The following IL23R variants were observed in gnomAD, a reference collection of about 807,000 sequenced individuals.
The protein encoded by IL23R is interleukin 23 receptor, also known as interleukin-23 receptor.
A neutral mutation model predicts 56.9 loss-of-function variants in IL23R; 34 were observed. That is an observed-to-expected ratio of 0.60 (90% confidence interval 0.45 to 0.80). The LOEUF is 0.80. Among genes scored for constraint, IL23R ranks in the 30% least tolerant of loss-of-function variants. IL23R has a pLI of 0.00. For synonymous variants in IL23R, 230 were observed against 249.2 expected, an observed-to-expected ratio of 0.92 and a Z score of 0.73; for missense variants, 635 against 730.0, an observed-to-expected ratio of 0.87 and a Z score of 1.50.
chr1:67,155,444 G>A (rs1022429811), intron 1 of IL23R, among the ~76,000 whole-genome samples: 4 of 152,012 alleles, frequency 2.6e-5, no homozygotes, highest in African/African-American at 4.8e-5. Context: ...TCATAGGTTC[G>A]GTCTTCTTAC....
chr1:67,162,441 C>A (rs949925832), upstream of IL23R, among the ~76,000 whole-genome samples: 1 of 151,942 alleles, frequency 6.6e-6, no homozygotes, highest in African/African-American at 2.4e-5. Flanking sequence ...GAGCCGAGAT[C>A]GCGCCACTGC....
chr1:67,184,674 A>C (rs1300242823), intron 4 of IL23R, among the ~76,000 whole-genome samples: 1 of 152,024 alleles, frequency 6.6e-6, no homozygotes, highest in Non-Finnish European at 1.5e-5. Flanking sequence ...TAATTCTTAA[A>C]AATTTCACAA....
At chr1:67,250,520 T>C (rs1006376426) in intron 9 of IL23R, among the ~76,000 whole-genome samples, 1 of 152,312 alleles carries the variant, frequency 6.6e-6, no homozygotes, top group Admixed American at 6.5e-5. Flanking sequence ...GTCAAAGCAG[T>C]TTATGACCTG....
chr1:67,167,971 C>G (rs991820069), intron 1 of IL23R, 121 bp from the exon 2 acceptor site: 3 of 638,230 alleles, frequency 4.7e-6, no homozygotes, highest in African/African-American at 1.8e-5. Flanking sequence ...TTCCTTCTTT[C>G]CTTCTTCCTC....
downstream of IL23R, among the ~76,000 whole-genome samples, chr1:67,261,467 TC>T (rs1387899121): frequency 6.6e-6 from 1 of 151,384 alleles, no homozygotes; most frequent in Admixed American, 6.6e-5. Context: ...AAAAAAGTTA[TC>T]CCCCAGATAA....
At position 67,197,959 on chromosome 1, in the gene IL23R, A is replaced by T. The variant is rs1241671260; in HGVS notation, c.492-2778A>T. On this transcript the variant is annotated intron_variant, in intron 4 of 10. Transcript: ENST00000347310. ...ATTAAAAAAGAAAAGAAAAGAAAAG[A>T]AAAGAAAAGAAATACCTGAGGCTCG... Among the ~76,000 whole-genome samples, 3 of 152,046 alleles carry T rather than the reference A, an allele frequency of 2.0e-5. No individual in the cohort carries two copies. In the East Asian group the frequency reaches 5.8e-4, roughly 29 times the overall value.
chr1:67,256,838 A>G (rs1361207036), intron 10 of IL23R, among the ~76,000 whole-genome samples: 4 of 152,246 alleles, frequency 2.6e-5, no homozygotes, highest in South Asian at 2.1e-4. Context: ...TCTTTCCCCA[A>G]CCTCATGTCA....
rs934964057 is a variant in IL23R at position 67,200,663 on chromosome 1, G to A, written c.492-74G>A. On this transcript the variant is annotated intron_variant, in intron 4 of 10. Transcript: ENST00000347310. ...GTCTCCCAAAATGCTAGGATTACAGGTGTGAGCCACCATGCCTGGCCAATT... is the reference window on the plus strand; with the variant it reads ...GTCTCCCAAAATGCTAGGATTACAGATGTGAGCCACCATGCCTGGCCAATT... 10 of 1,478,956 alleles carry A rather than the reference G, an allele frequency of 6.8e-6. No individual in the cohort carries two copies. The South Asian group carries it at 1.2e-4, about 17-fold the overall frequency. 91.6% of individuals were successfully genotyped at this position (1,478,956 alleles called of 1,614,324 possible).
intron 9 of IL23R, 46 bp downstream of exon 9, chr1:67,240,327 T>C: frequency 8.5e-7 from 1 of 1,177,186 alleles, no homozygotes; most frequent in Non-Finnish European, 1.3e-6. Flanking sequence ...ACTACATGTA[T>C]ATGTATCACC....
intron 7 of IL23R, 146 bp from the exon 8 acceptor site, chr1:67,236,567 A>T: frequency 1.5e-6 from 1 of 663,748 alleles, no homozygotes; most frequent in Non-Finnish European, 2.8e-6. Context: ...ATACTCGAAG[A>T]CTATTGCTTT....
intron 9 of IL23R, among the ~76,000 whole-genome samples, chr1:67,253,113 C>T (rs1652740661): frequency 6.6e-6 from 1 of 152,148 alleles, no homozygotes; most frequent in Non-Finnish European, 1.5e-5. Flanking sequence ...ACTTGAATTC[C>T]ACCCAAACAA....
chr1:67,222,543 T>G (rs1196844836), intron 7 of IL23R, among the ~76,000 whole-genome samples: 2 of 152,222 alleles, frequency 1.3e-5, no homozygotes, highest in Non-Finnish European at 2.9e-5. Context: ...CAGAATTTAG[T>G]TGATAACCCT....
Position 67,167,843 on chromosome 1 carries a change from T to C in IL23R, c.-29-249T>C, listed in dbSNP as rs532154407. Among the ~76,000 whole-genome samples, 137 of 152,338 alleles carry C rather than the reference T, an allele frequency of 9.0e-4. 1 individual carries two copies. The highest frequency in any genetic ancestry group is 3.2e-3 in the African/African-American group (134 of 41,572). On this transcript the variant is annotated intron_variant, in intron 1 of 10. Transcript: ENST00000347310. ...TCAAATGCCCTACTGAGTTAATTCA[T>C]AGTGACTTTTGAAGAGTATAAAATT... is the stretch of plus-strand genomic sequence containing the variant.
chr1:67,233,653 G>C (rs567754834), intron 7 of IL23R, among the ~76,000 whole-genome samples: 1 of 152,210 alleles, frequency 6.6e-6, no homozygotes, highest in African/African-American at 2.4e-5. Flanking sequence ...TTGTCTTCTT[G>C]TAAGACTAAA....
chr1:67,171,147 G>T (rs376594343), intron 3 of IL23R, among the ~76,000 whole-genome samples: 7 of 152,220 alleles, frequency 4.6e-5, no homozygotes, highest in Admixed American at 2.0e-4. Flanking sequence ...TTATCCTTTG[G>T]GGGTGGGAGT....
At chr1:67,264,451 G>T (rs1465649571), downstream of IL23R, among the ~76,000 whole-genome samples, 3 of 152,126 alleles carry the variant, frequency 2.0e-5, no homozygotes, top group Non-Finnish European at 4.4e-5. Flanking sequence ...TACCCATTTG[G>T]CAGACACTAT....
chr1:67,207,142 A>G lies in IL23R; in HGVS notation c.798+87A>G, dbSNP rs547017413. ...TGGCTACAGTGGACTTATTATGTCT[A>G]TTTTACATGTTTTTAATCTGATTGT... On this transcript the variant is annotated intron_variant, in intron 6 of 10. Coordinates refer to ENST00000347310, the MANE Select transcript of IL23R (RefSeq NM_144701.3). 66 of 1,317,320 alleles carry G rather than the reference A, an allele frequency of 5.0e-5. 1 individual carries two copies. The East Asian group carries it at 9.3e-4, about 19-fold the overall frequency. 81.6% of individuals were successfully genotyped at this position (1,317,320 alleles called of 1,614,324 possible).
intron 6 of IL23R, among the ~76,000 whole-genome samples, chr1:67,211,555 G>A (rs183903854): frequency 1.2e-4 from 19 of 152,108 alleles, no homozygotes; most frequent in Admixed American, 1.0e-3. Flanking sequence ...TCTGGGAGGT[G>A]GAGGTTGCAA....
chr1:67,163,195 G>A (rs1269189097), upstream of IL23R, among the ~76,000 whole-genome samples: 1 of 152,076 alleles, frequency 6.6e-6, no homozygotes, highest in Non-Finnish European at 1.5e-5. Context: ...GTGGCCAGGT[G>A]TGGTGACTCA....
Sources: allele counts gnomAD v4.1 joint callset (sites outside exome capture counted in the v4.1 genomes callset), GRCh38; gene constraint gnomAD v4.1.1; transcripts MANE v1.5; gene names NCBI Gene and HGNC (gene_info 2026-07-23, HGNC 2026-07-21).